The following GRIN2B variants were observed in gnomAD, a reference collection of about 807,000 sequenced individuals.
The protein encoded by GRIN2B is glutamate ionotropic receptor NMDA type subunit 2B.
GRIN2B carries 5 observed loss-of-function variants against 114.5 expected under a neutral mutation model. That is an observed-to-expected ratio of 0.04 (90% CI 0.02 to 0.09). GRIN2B has a LOEUF of 0.09. GRIN2B is among the 10% of genes least tolerant of loss of function. GRIN2B has a pLI of 1.00. For synonymous variants in GRIN2B, 787 were observed against 745.1 expected, an observed-to-expected ratio of 1.06 and a Z score of -0.92; for missense variants, 1,108 against 1,943.5, an observed-to-expected ratio of 0.57 and a Z score of 8.08.
At chr12:13,581,397 C>T (rs1369503286) in intron 10 of GRIN2B, among the ~76,000 whole-genome samples, 1 of 152,156 alleles carries the variant, frequency 6.6e-6, no homozygotes, top group Non-Finnish European at 1.5e-5. Flanking sequence ...ATGTGTGATT[C>T]CAGACTCTGG....
chr12:13,623,934 C>T (rs531192029), intron 5 of GRIN2B, among the ~76,000 whole-genome samples: 15 of 152,256 alleles, frequency 9.9e-5, no homozygotes, highest in African/African-American at 3.6e-4. Flanking sequence ...GACAGAGATG[C>T]CGTTTTGCTT....
intron 3 of GRIN2B, among the ~76,000 whole-genome samples, chr12:13,794,038 C>CAAAAAAA (rs59335663): frequency 2.5e-3 from 196 of 79,028 alleles, no homozygotes; most frequent in Middle Eastern, 9.8e-3. Context: ...CCCATCTCTA[C>CAAAAAAA]AAAAAAAAAA....
chr12:13,658,391 T>G (rs1280076006), intron 5 of GRIN2B, among the ~76,000 whole-genome samples: 2 of 151,942 alleles, frequency 1.3e-5, no homozygotes, highest in African/African-American at 4.8e-5. Context: ...ACTTTTGACA[T>G]CAGACACAAA....
chr12:13,693,209 A>G (rs1751419107), intron 4 of GRIN2B, among the ~76,000 whole-genome samples: 1 of 152,176 alleles, frequency 6.6e-6, no homozygotes, highest in African/African-American at 2.4e-5. Context: ...TATACCAATT[A>G]GCTGATGGTC....
In GRIN2B at chr12:13,567,014, A is replaced by AAAAC. The variant is rs1948648973; in HGVS notation, c.2598+7_2598+10dup. On this transcript the variant is annotated intron_variant, in intron 13 of 13. Transcript: ENST00000609686. ...CTAACAAGCTTTAGGCATTTAAATCAAAACACTTACTCTGCTGATGGAGAA... is the reference window on the plus strand; with the variant it reads ...CTAACAAGCTTTAGGCATTTAAATCAAAACAAACACTTACTCTGCTGATGGAGAA... 6.3e-7 allele frequency: 1 copy of AAAAC among 1,593,362 alleles called. No homozygotes were observed.
At chr12:13,635,933 A>G (rs949671913) in intron 5 of GRIN2B, among the ~76,000 whole-genome samples, 3 of 152,220 alleles carry the variant, frequency 2.0e-5, no homozygotes, top group Admixed American at 6.5e-5. Flanking sequence ...TGCTGAGGAC[A>G]GTGATGATAA....
chr12:13,911,072 T>C (rs1866620201), intron 2 of GRIN2B, among the ~76,000 whole-genome samples: 2 of 152,076 alleles, frequency 1.3e-5, no homozygotes, highest in South Asian at 4.2e-4. Context: ...ATAGACCCCC[T>C]AGATACCTCT....
chr12:13,651,293 T>C (rs546093481), intron 5 of GRIN2B, among the ~76,000 whole-genome samples: 181 of 152,196 alleles, frequency 1.2e-3, no homozygotes, highest in Non-Finnish European at 2.0e-3. Flanking sequence ...CTGTCCTGCA[T>C]TAAAACCAGG....
chr12:13,751,297 T>C (rs1863480101), intron 4 of GRIN2B, among the ~76,000 whole-genome samples: 3 of 152,306 alleles, frequency 2.0e-5, no homozygotes, highest in African/African-American at 7.2e-5. Flanking sequence ...GAAAAGCCTC[T>C]GAAAGGTATT....
chr12:13,669,077 C>T (rs113634194), intron 5 of GRIN2B, among the ~76,000 whole-genome samples: 290 of 151,760 alleles, frequency 1.9e-3, no homozygotes, highest in African/African-American at 6.6e-3. Flanking sequence ...GTTGCTTGCA[C>T]GGGACTGTAC....
At chr12:13,665,239 C>G (rs1239834064) in intron 5 of GRIN2B, among the ~76,000 whole-genome samples, 1 of 151,466 alleles carries the variant, frequency 6.6e-6, no homozygotes, top group East Asian at 1.9e-4. Flanking sequence ...CTTTCTCCCC[C>G]CTTTATCTTT....
intron 2 of GRIN2B, among the ~76,000 whole-genome samples, chr12:13,978,874 C>G (rs952246648): frequency 2.0e-5 from 3 of 152,186 alleles, no homozygotes; most frequent in Non-Finnish European, 4.4e-5. Context: ...TTCCATTTCT[C>G]CTGCTATTTC....
chr12:13,936,129 A>G (rs962715744), intron 2 of GRIN2B, among the ~76,000 whole-genome samples: 1 of 152,176 alleles, frequency 6.6e-6, no homozygotes, highest in Non-Finnish European at 1.5e-5. Flanking sequence ...CTATGAATTC[A>G]TGGCTGAGGG....
chr12:13,575,636 G>A (rs145609514), intron 10 of GRIN2B, among the ~76,000 whole-genome samples: 3 of 151,656 alleles, frequency 2.0e-5, no homozygotes, highest in South Asian at 2.1e-4. Context: ...TTCAGCCTGG[G>A]TGACAGAGCA....
chr12:13,846,855 G>A (rs536347487), intron 3 of GRIN2B, among the ~76,000 whole-genome samples: 1 of 151,930 alleles, frequency 6.6e-6, no homozygotes, highest in African/African-American at 2.4e-5. Context: ...AGAAAGGAGG[G>A]GAGGATTCCT....
At position 13,834,391 on chromosome 12, in the gene GRIN2B, A is replaced by G. The variant is rs1020430274; in HGVS notation, c.411+31407T>C. On this transcript the variant is annotated intron_variant, in intron 3 of 13. Transcript: ENST00000609686. The stretch of plus-strand genomic sequence containing the variant: ...GCTGTCCACAGGAAGTTCCACCAGC[A>G]GCTTTAGCTCAAGCTCCAGCAACAC... 8.7e-4 allele frequency among the ~76,000 whole-genome samples: 132 copies of G among 152,126 alleles called. 7 individuals are homozygous for G. The highest frequency in any genetic ancestry group is 1.9e-4 in the East Asian group (1 of 5,150).
At chr12:13,577,773 A>G (rs1042210817) in intron 10 of GRIN2B, among the ~76,000 whole-genome samples, 2 of 152,240 alleles carry the variant, frequency 1.3e-5, no homozygotes, top group Non-Finnish European at 2.9e-5. Context: ...CTATTAGGGC[A>G]GGAGACTGTA....
intron 2 of GRIN2B, among the ~76,000 whole-genome samples, chr12:13,883,800 G>A (rs1866105546): frequency 1.3e-5 from 2 of 152,084 alleles, no homozygotes; most frequent in African/African-American, 2.4e-5. Context: ...GAAGTCCAGT[G>A]TAATTAATTT....
At chr12:13,786,265 T>G (rs1023605391) in intron 3 of GRIN2B, among the ~76,000 whole-genome samples, 3 of 152,156 alleles carry the variant, frequency 2.0e-5, no homozygotes, top group African/African-American at 7.2e-5. Context: ...AAAACCAAAT[T>G]AAAATAATTT....
Sources: gnomAD v4.1 joint callset for allele counts (sites outside exome capture counted in the v4.1 genomes callset) on GRCh38, gnomAD v4.1.1 for gene constraint, MANE v1.5 for transcripts, NCBI Gene and HGNC (gene_info 2026-07-23, HGNC 2026-07-21) for gene names.